WDFY1: variants seen among roughly 807,000 people sequenced by gnomAD.
WDFY1 encodes the protein WD repeat and FYVE domain containing 1.
A neutral mutation model predicts 56.4 loss-of-function variants in WDFY1; 32 were observed. That is an observed-to-expected ratio of 0.57 (90% confidence interval 0.43 to 0.76). The LOEUF (loss-of-function observed/expected upper bound fraction) is 0.76. Ranked by LOEUF, WDFY1 falls within the 30% of genes least tolerant of loss-of-function variation. The pLI, the probability that WDFY1 is intolerant of heterozygous loss-of-function variation, is 0.00. For synonymous variants in WDFY1, 192 were observed against 197.3 expected, an observed-to-expected ratio of 0.97 and a Z score of 0.23; for missense variants, 480 against 545.7, an observed-to-expected ratio of 0.88 and a Z score of 1.20.
chr2:223,913,337 C>T (rs1353642481), intron 2 of WDFY1, among the ~76,000 whole-genome samples: 1 of 151,882 alleles, frequency 6.6e-6, no homozygotes, highest in Non-Finnish European at 1.5e-5. Flanking sequence ...AACTATAATA[C>T]TGGATCGTAC....
At chr2:223,894,079 A>G (rs919322943) in intron 8 of WDFY1, among the ~76,000 whole-genome samples, 155 bp downstream of exon 8, 10 of 152,232 alleles carry the variant, frequency 6.6e-5, no homozygotes, top group Admixed American at 1.3e-4. Context: ...AAAATGACAC[A>G]AAGGACCTTG....
At chr2:223,935,032 G>A (rs577624493) in intron 1 of WDFY1, among the ~76,000 whole-genome samples, 2 of 152,256 alleles carry the variant, frequency 1.3e-5, no homozygotes, top group South Asian at 2.1e-4. Context: ...AGAGGGTTTC[G>A]GCGAGGGAAC....
intron 3 of WDFY1, among the ~76,000 whole-genome samples, chr2:223,909,563 G>A (rs1209150633): frequency 6.6e-6 from 1 of 152,026 alleles, no homozygotes; most frequent in East Asian, 1.9e-4. Context: ...GAAGCTCACT[G>A]GTATCTTAAA....
At chr2:223,902,637 T>C (rs1351326882) in intron 4 of WDFY1, among the ~76,000 whole-genome samples, 1 of 152,180 alleles carries the variant, frequency 6.6e-6, no homozygotes. Context: ...AAGATCTGTC[T>C]CAGCGTCTGA....
chr2:223,885,274 T>C (rs1261284196), intron 8 of WDFY1, among the ~76,000 whole-genome samples: 1 of 152,140 alleles, frequency 6.6e-6, no homozygotes, highest in East Asian at 1.9e-4. Context: ...CACTGCAAGC[T>C]TGATCTCTCA....
At chr2:223,885,143 G>A (rs1206845443) in intron 8 of WDFY1, among the ~76,000 whole-genome samples, 1 of 151,762 alleles carries the variant, frequency 6.6e-6, no homozygotes. Flanking sequence ...TTAATTCCAC[G>A]AAATATTCTA....
intron 8 of WDFY1, among the ~76,000 whole-genome samples, chr2:223,889,496 C>G (rs1282498893): frequency 1.3e-5 from 2 of 152,144 alleles, no homozygotes; most frequent in African/African-American, 4.8e-5. Context: ...TTTTCCCATG[C>G]TATTCTCCTG....
At chr2:223,920,141 A>T (rs1314281118) in intron 1 of WDFY1, among the ~76,000 whole-genome samples, 1 of 152,256 alleles carries the variant, frequency 6.6e-6, no homozygotes, top group East Asian at 1.9e-4. Context: ...TTGAAGAAAT[A>T]TTTTCAATGC....
At position 223,905,593 on chromosome 2, in the gene WDFY1, TACACAC is replaced by T. The variant is rs755855995; in HGVS notation, c.334+348_334+353del. ...CACACACGTGTATATACTTATTCAA[TACACAC>T]ACACAATGTGTATACACATATCAAA... On this transcript the variant is annotated intron_variant, in intron 4 of 11. Coordinates refer to ENST00000233055, the MANE Select transcript of WDFY1 (RefSeq NM_020830.5). 3.0e-4 allele frequency among the ~76,000 whole-genome samples: 45 copies of T among 152,020 alleles called. 1 individual carries two copies. Among genetic ancestry groups the T allele is most frequent in the African/African-American group, 1.1e-3 (44 of 41,396 alleles).
intron 1 of WDFY1, among the ~76,000 whole-genome samples, chr2:223,928,880 G>A (rs1574779190): frequency 2.0e-5 from 3 of 152,272 alleles, no homozygotes; most frequent in Admixed American, 1.3e-4. Flanking sequence ...TGGATTCAAC[G>A]TGTCTGCAGA....
At chr2:223,916,058 T>A (rs1365437020) in intron 2 of WDFY1, among the ~76,000 whole-genome samples, 1 of 152,210 alleles carries the variant, frequency 6.6e-6, no homozygotes, top group African/African-American at 2.4e-5. Flanking sequence ...AAATGTCTTA[T>A]GTATTATAAG....
In WDFY1 at chr2:223,895,570, T is replaced by C. The variant is rs757193379; in HGVS notation, c.659A>G (p.Asp220Gly). ...GATGTCCCACATGATGATGCTGTTG[T>C]CAGATGCTCCTGAGAAGAGTAACCG... ...IQRLLFSGAS[D>G]NSIIMWDIGG... is the part of the protein sequence containing the mutation. Residue 220 changes from aspartate to glycine, a missense_variant, in exon 7 of 12, where the codon GAC becomes GGC. By Grantham distance (94) the Asp-to-Gly change is moderately conservative. Transcript: ENST00000233055. 3 of 1,614,026 alleles carry C rather than the reference T, an allele frequency of 1.9e-6. No homozygotes were observed. The East Asian group carries it at 6.7e-5, about 36-fold the overall frequency.
At chr2:223,907,273 A>T (rs1693613216) in intron 3 of WDFY1, among the ~76,000 whole-genome samples, 1 of 152,132 alleles carries the variant, frequency 6.6e-6, no homozygotes, top group Non-Finnish European at 1.5e-5. Context: ...CACCGTGCCC[A>T]GCCAAGAATA....
At chr2:223,879,471 C>T (rs553532259) in intron 11 of WDFY1, among the ~76,000 whole-genome samples, 22 of 152,006 alleles carry the variant, frequency 1.4e-4, no homozygotes, top group African/African-American at 5.3e-4. Context: ...GCCTGGGCAA[C>T]ATAGTAGGAC....
intron 6 of WDFY1, among the ~76,000 whole-genome samples, chr2:223,897,730 T>C (rs1008423428): frequency 6.6e-6 from 1 of 152,056 alleles, no homozygotes; most frequent in Non-Finnish European, 1.5e-5. Flanking sequence ...TGGGGCTTGG[T>C]AGTTGGCTCA....
At chr2:223,913,993 CTTTTTTTTTTTTT>C (rs386392770) in intron 2 of WDFY1, among the ~76,000 whole-genome samples, 3 of 88,152 alleles carry the variant, frequency 3.4e-5, no homozygotes, top group Non-Finnish European at 5.9e-5. Flanking sequence ...AATCAGTTAG[CTTTTTTTTTTTTT>C]TTTTTTTTTT....
At chr2:223,878,959 G>T (rs541891221) in intron 11 of WDFY1, among the ~76,000 whole-genome samples, 1 of 152,354 alleles carries the variant, frequency 6.6e-6, no homozygotes, top group African/African-American at 2.4e-5. Context: ...CGAGGCGGGT[G>T]TAGCACTTGA....
At chr2:223,906,144 T>C (rs1693595687) in intron 3 of WDFY1, 143 bp from the exon 4 acceptor site, 2 of 615,088 alleles carry the variant, frequency 3.3e-6, no homozygotes, top group Non-Finnish European at 5.4e-6. Context: ...AGGAATGATA[T>C]GAATTGCTTC....
chr2:223,902,920 T>G (rs1365704088), intron 4 of WDFY1, among the ~76,000 whole-genome samples: 1 of 152,122 alleles, frequency 6.6e-6, no homozygotes, highest in Non-Finnish European at 1.5e-5. Context: ...TAAACTAGTT[T>G]GTGGTAAAGA....
Sources: allele counts gnomAD v4.1 joint callset (sites outside exome capture counted in the v4.1 genomes callset), GRCh38; gene constraint gnomAD v4.1.1; transcripts MANE v1.5; gene names NCBI Gene and HGNC (gene_info 2026-07-23, HGNC 2026-07-21).